CACNA1A: variants seen among roughly 807,000 people sequenced by gnomAD.
CACNA1A encodes voltage-dependent P/Q-type calcium channel subunit alpha-1A.
A neutral mutation model predicts 262.4 loss-of-function variants in CACNA1A; 57 were observed. The observed-to-expected ratio is 0.22, with a 90% confidence interval of 0.18 to 0.27. The LOEUF (loss-of-function observed/expected upper bound fraction) is 0.27, where lower values mean the gene tolerates loss of function less well. Ranked by LOEUF, CACNA1A falls within the 10% of genes least tolerant of loss-of-function variation. CACNA1A has a pLI of 1.00. For missense variants in CACNA1A, 2,526 were observed against 3,562.8 expected, an observed-to-expected ratio of 0.71 and a Z score of 7.41; for synonymous variants, 1,431 against 1,419.3, an observed-to-expected ratio of 1.01 and a Z score of -0.18.
chr19:13,335,418 T>A (rs566472520), intron 7 of CACNA1A, among the ~76,000 whole-genome samples: 56 of 152,298 alleles, frequency 3.7e-4, no homozygotes, highest in Admixed American at 9.2e-4. Context: ...GTGCCCAGAC[T>A]TCTTATGGTA....
chr19:13,446,881 C>T (rs2144907614), intron 3 of CACNA1A, among the ~76,000 whole-genome samples: 1 of 152,146 alleles, frequency 6.6e-6, no homozygotes, highest in East Asian at 1.9e-4. Context: ...TTGCCCGCTG[C>T]ACCCAGCTCA....
intron 21 of CACNA1A, chr19:13,283,691 C>A: frequency 3.7e-6 from 1 of 267,722 alleles, no homozygotes; most frequent in Non-Finnish European, 7.2e-6. Context: ...TGAAGAAATA[C>A]GGTCCTTAAT....
chr19:13,462,769 T>C (rs1382733109), intron 1 of CACNA1A, among the ~76,000 whole-genome samples: 1 of 152,140 alleles, frequency 6.6e-6, no homozygotes, highest in Non-Finnish European at 1.5e-5. Context: ...TTTTTTTGTT[T>C]GTTTGTTTGA....
In CACNA1A at chr19:13,286,560, T is replaced by A; in HGVS notation, c.3496A>T (p.Thr1166Ser). The change falls in exon 20 of 47, where the codon ACC becomes TCC. Residue 1166 changes from threonine (T) to serine (S), a missense_variant. This residue lies in a region of CACNA1A where 765 missense variants were observed against 748.6 expected (regional missense o/e 1.02). Coordinates refer to ENST00000360228, the MANE Select transcript of CACNA1A (RefSeq NM_001127222.2). The stretch of plus-strand genomic sequence containing the variant: ...CAGGCTGGGGGGATGTCCACTGTGG[T>A]GTGGTCGGGTTTCCTGGCAGTCTTA... ...SAKTARKPDH[T>S]TVDIPPACPP... is the part of the protein sequence containing the mutation. 1 of 1,533,666 alleles carries A rather than the reference T, an allele frequency of 6.5e-7. No homozygotes were observed. Among genetic ancestry groups the A allele is most frequent in the Non-Finnish European group, 8.7e-7 (1 of 1,144,156 alleles).
intron 1 of CACNA1A, among the ~76,000 whole-genome samples, chr19:13,462,166 C>T (rs769784669): frequency 3.9e-5 from 6 of 152,202 alleles, no homozygotes; most frequent in South Asian, 2.1e-4. Flanking sequence ...CCTTGCATCC[C>T]TCTGTGGTGC....
At position 13,313,244 on chromosome 19, in the gene CACNA1A, G is replaced by A. The variant is rs140643684; in HGVS notation, c.1556-463C>T. ...TGGCTGGGCATGGTGGCTCACGTCT[G>A]TAATCCCAGCACTTTGGGAGGCCTA... is the stretch of plus-strand genomic sequence containing the variant. On this transcript the variant is annotated intron_variant, in intron 11 of 46. Coordinates refer to ENST00000360228, the MANE Select transcript of CACNA1A (RefSeq NM_001127222.2). Among the ~76,000 whole-genome samples the A allele has an allele frequency of 5.5e-3, 837 of 152,090 alleles. 8 individuals are homozygous for A. Among genetic ancestry groups the A allele is most frequent in the African/African-American group, 0.019 (803 of 41,516 alleles).
chr19:13,403,434 T>C (rs2059945168), intron 3 of CACNA1A, among the ~76,000 whole-genome samples: 1 of 152,138 alleles, frequency 6.6e-6, no homozygotes, highest in African/African-American at 2.4e-5. Context: ...AGAGCCAGGA[T>C]TTGAACCCAG....
At chr19:13,226,254 G>GGC (rs1491294450) in intron 37 of CACNA1A, 1 of 5,246 alleles carries the variant, frequency 1.9e-4, no homozygotes, top group African/African-American at 4.7e-4. Flanking sequence ...GAGGAAAACC[G>GGC]GGGGGGGGGG....
intron 19 of CACNA1A, among the ~76,000 whole-genome samples, chr19:13,295,116 C>T (rs924250054): frequency 1.1e-4 from 16 of 152,220 alleles, no homozygotes; most frequent in Admixed American, 9.8e-4. Flanking sequence ...CAGACCACTT[C>T]ACTTGCAGTT....
chr19:13,450,510 T>C (rs1250238925), intron 3 of CACNA1A: 1 of 152,258 alleles, frequency 6.6e-6, no homozygotes, highest in Non-Finnish European at 1.5e-5. Flanking sequence ...TCTGACACAC[T>C]AGATTCATTC....
chr19:13,440,315 A>G (rs1568646996), intron 3 of CACNA1A, among the ~76,000 whole-genome samples: 1 of 152,156 alleles, frequency 6.6e-6, no homozygotes, highest in African/African-American at 2.4e-5. Flanking sequence ...GTGACAATGA[A>G]TCCCTTTCAC....
At chr19:13,428,037 T>C (rs1370742564) in intron 3 of CACNA1A, among the ~76,000 whole-genome samples, 1 of 152,144 alleles carries the variant, frequency 6.6e-6, no homozygotes, top group Non-Finnish European at 1.5e-5. Context: ...GTTCAAGCGA[T>C]TCTCCTACCT....
chr19:13,254,604 C>T (rs1312978172), intron 29 of CACNA1A, among the ~76,000 whole-genome samples: 1 of 152,084 alleles, frequency 6.6e-6, no homozygotes, highest in African/African-American at 2.4e-5. Context: ...TCAGGTGATC[C>T]GCCCGCCTCG....
At chr19:13,217,659 A>G (rs2055065271) in intron 38 of CACNA1A, among the ~76,000 whole-genome samples, 1 of 152,172 alleles carries the variant, frequency 6.6e-6, no homozygotes, top group East Asian at 1.9e-4. Flanking sequence ...CTGGGGTACA[A>G]GTAACAACTG....
chr19:13,318,887 C>T (rs2058185485), intron 10 of CACNA1A, among the ~76,000 whole-genome samples: 3 of 105,820 alleles, frequency 2.8e-5, no homozygotes. Context: ...TTCTAAAATA[C>T]ATCTTTTTTT....
chr19:13,438,853 A>G (rs2060659755), intron 3 of CACNA1A, among the ~76,000 whole-genome samples: 1 of 152,162 alleles, frequency 6.6e-6, no homozygotes, highest in South Asian at 2.1e-4. Context: ...AAAATAAAAT[A>G]TCCTGATTTT....
intron 25 of CACNA1A, 36 bp from the exon 26 acceptor site, chr19:13,261,646 G>A (rs1329666854): frequency 6.3e-7 from 1 of 1,592,396 alleles, no homozygotes; most frequent in Non-Finnish European, 8.6e-7. Context: ...ATGAGGGGCT[G>A]GGGACCTGCC....
intron 6 of CACNA1A, among the ~76,000 whole-genome samples, chr19:13,352,256 A>T (rs774879697): frequency 1.3e-5 from 2 of 152,050 alleles, no homozygotes; most frequent in Non-Finnish European, 2.9e-5. Context: ...AAATACAAAA[A>T]ATTAGCTGAC....
chr19:13,488,349 G>C (rs56659398), intron 1 of CACNA1A, among the ~76,000 whole-genome samples: 1 of 151,108 alleles, frequency 6.6e-6, no homozygotes, highest in African/African-American at 2.4e-5. Flanking sequence ...CAGCATCTGT[G>C]GGGGTGGAGC....
Sources: gnomAD v4.1 joint callset for allele counts (sites outside exome capture counted in the v4.1 genomes callset) on GRCh38, gnomAD v4.1.1 for gene constraint, gnomAD v4.1.1 regional missense constraint, MANE v1.5 for transcripts, NCBI Gene and HGNC (gene_info 2026-07-23, HGNC 2026-07-21) for gene names.